Variants in ABCD3 observed in about 807,000 individuals in gnomAD.
ABCD3 encodes the protein ATP binding cassette subfamily D member 3.
ABCD3 carries 41 observed loss-of-function variants against 105.5 expected under a neutral mutation model. The observed-to-expected ratio is 0.39, with a 90% CI of 0.30 to 0.50. The LOEUF is 0.50. Among genes scored for constraint, ABCD3 ranks in the 20% least tolerant of loss-of-function variants. The probability of loss-of-function intolerance (pLI) is 0.84; values close to 1 mark genes in which losing one functional copy is unlikely to be tolerated. For missense variants in ABCD3, 622 were observed against 806.3 expected (o/e 0.77, Z 2.77); for synonymous variants, 258 against 269.0 (o/e 0.96, Z 0.40).
At chr1:94,416,585 C>A (rs1408566840), upstream of ABCD3, among the ~76,000 whole-genome samples, 1 of 152,192 alleles carries the variant, frequency 6.6e-6, no homozygotes, top group Non-Finnish European at 1.5e-5. Flanking sequence ...AAGTTCTCTG[C>A]CCTACTCTGG....
intron 1 of ABCD3, among the ~76,000 whole-genome samples, chr1:94,441,814 G>A (rs1660144374): frequency 6.6e-6 from 1 of 152,032 alleles, no homozygotes; most frequent in Non-Finnish European, 1.5e-5. Flanking sequence ...AAAAGAAGAT[G>A]GATAAATAAG....
At chr1:94,469,594 T>TA (rs1186779723) in intron 4 of ABCD3, among the ~76,000 whole-genome samples, 1 of 149,860 alleles carries the variant, frequency 6.7e-6, no homozygotes, top group Non-Finnish European at 1.5e-5. Flanking sequence ...AGACACCAAC[T>TA]AATCTATCAA....
intron 21 of ABCD3, among the ~76,000 whole-genome samples, chr1:94,511,798 T>C (rs1650686076): frequency 6.6e-6 from 1 of 152,146 alleles, no homozygotes; most frequent in Non-Finnish European, 1.5e-5. Flanking sequence ...TCCTGAGGCT[T>C]CTGCATTCTT....
At chr1:94,452,938 ATGTTGGCCAGGCTGTTC>A (rs1414115751) in intron 1 of ABCD3, among the ~76,000 whole-genome samples, 8 of 152,156 alleles carry the variant, frequency 5.3e-5, no homozygotes, top group East Asian at 3.9e-4. Flanking sequence ...GGGTTTCACC[ATGTTGGCCAGGCTGTTC>A]TTGAACTCCT....
At chr1:94,483,030 G>C in intron 9 of ABCD3, 140 bp from the exon 10 acceptor site, 1 of 671,552 alleles carries the variant, frequency 1.5e-6, no homozygotes, top group African/African-American at 1.8e-5. Flanking sequence ...TATAGACTGT[G>C]GCTTGAGATG....
chr1:94,455,399 C>T (rs556253976), intron 1 of ABCD3, among the ~76,000 whole-genome samples: 2 of 151,162 alleles, frequency 1.3e-5, no homozygotes, highest in South Asian at 2.1e-4. Flanking sequence ...GATCTTGGCT[C>T]ACCACAACCT....
chr1:94,517,238 A>AC lies in ABCD3; in HGVS notation c.*109_*110insC, dbSNP rs905660823. ...GAGCTTAGTTTTTTTTAAAAAAAAA[A>AC]ACAAAGCAACAAATTAACTAGATAC... On this transcript the variant is annotated 3_prime_UTR_variant, in exon 23 of 23. Transcript: ENST00000370214. 1.2e-6 allele frequency: 1 copy of AC among 823,604 alleles called. No individual in the cohort carries two copies. Among genetic ancestry groups the AC allele is most frequent in the African/African-American group, 1.7e-5 (1 of 57,850 alleles). The allele number at this position is 823,604 out of a possible 1,614,324, so 51.0% of individuals were successfully genotyped here.
intron 21 of ABCD3, among the ~76,000 whole-genome samples, chr1:94,511,633 C>G (rs1650678087): frequency 6.6e-6 from 1 of 152,156 alleles, no homozygotes; most frequent in South Asian, 2.1e-4. Context: ...GTACACCAAT[C>G]AGATGTAGAT....
At chr1:94,513,083 G>T (rs1650761902) in intron 21 of ABCD3, among the ~76,000 whole-genome samples, 1 of 151,998 alleles carries the variant, frequency 6.6e-6, no homozygotes, top group African/African-American at 2.4e-5. Context: ...AGAAGCACTG[G>T]CGTGATGATG....
chr1:94,428,153 A>G (rs1413447831), intron 1 of ABCD3, among the ~76,000 whole-genome samples: 2 of 151,584 alleles, frequency 1.3e-5, no homozygotes, highest in Non-Finnish European at 2.9e-5. Flanking sequence ...CTTTCTTATC[A>G]GTTTGCTAGA....
intron 7 of ABCD3, among the ~76,000 whole-genome samples, chr1:94,477,522 A>C (rs1648818810): frequency 6.6e-6 from 1 of 152,036 alleles, no homozygotes; most frequent in African/African-American, 2.4e-5. Context: ...GCTACTCCAG[A>C]GGCTGCAGTG....
rs187227603 is a variant in ABCD3 at position 94,491,623 on chromosome 1, C to G, written c.1386+376C>G. Among the ~76,000 whole-genome samples the G allele has an allele frequency of 2.6e-3, 393 of 152,064 alleles. 3 individuals are homozygous for G. Among genetic ancestry groups the G allele is most frequent in the African/African-American group, 9.2e-3 (380 of 41,510 alleles). Reference sequence around the variant, plus strand: ...TTGTGACTGTACAGGATGATTTGTACCTATAAAAACAAAATACAGACTGTT... The same window carrying G: ...TTGTGACTGTACAGGATGATTTGTAGCTATAAAAACAAAATACAGACTGTT... On this transcript the variant is annotated intron_variant, in intron 16 of 22. Coordinates refer to ENST00000370214, the MANE Select transcript of ABCD3 (RefSeq NM_002858.4).
chr1:94,491,319 A>G (rs944217435), intron 16 of ABCD3, 72 bp downstream of exon 16: 21 of 1,179,764 alleles, frequency 1.8e-5, no homozygotes, highest in Non-Finnish European at 2.6e-5. Context: ...TTACCTGAAT[A>G]TTTAAAGTAA....
At chr1:94,496,398 T>C (rs772844028) in intron 16 of ABCD3, among the ~76,000 whole-genome samples, 4 of 152,174 alleles carry the variant, frequency 2.6e-5, no homozygotes, top group Non-Finnish European at 5.9e-5. Context: ...GGTTCATCTG[T>C]ATTGTAGCAT....
At chr1:94,516,941 A>T in intron 22 of ABCD3, 111 bp from the exon 23 acceptor site, 1 of 807,182 alleles carries the variant, frequency 1.2e-6, no homozygotes, top group Non-Finnish European at 2.2e-6. Context: ...TGGGATGCTT[A>T]TAGATTTAGC....
At chr1:94,410,313 T>C in the ABCD3 span, among the ~76,000 whole-genome samples, 1 of 152,196 alleles carries the variant, frequency 6.6e-6, no homozygotes, top group Admixed American at 6.5e-5. Flanking sequence ...ATTATTATGG[T>C]ATGTAGATTA....
intron 1 of ABCD3, among the ~76,000 whole-genome samples, chr1:94,450,729 G>C (rs909420452): frequency 1.3e-5 from 2 of 152,180 alleles, no homozygotes; most frequent in Non-Finnish European, 2.9e-5. Flanking sequence ...CTGTGTGTGT[G>C]TGTCTTTAAT....
At position 94,487,568 on chromosome 1, in the gene ABCD3, G is replaced by T; in HGVS notation, c.924G>T (p.Leu308Phe). The change falls in exon 11 of 23, where the codon TTG becomes TTT. Residue 308 changes from leucine to phenylalanine, a missense_variant. Transcript: ENST00000370214. ...KLVEHLHNFI[L>F]FRFSMGFIDS... ...TGGAACACCTACATAATTTCATTTT[G>T]TTTCGGTTTTCAATGGGCTTCATTG... The T allele has an allele frequency of 6.2e-7, 1 of 1,613,732 alleles. No individual in the cohort carries two copies.
chr1:94,472,580 G>T (rs762937422), intron 4 of ABCD3, among the ~76,000 whole-genome samples: 7 of 152,076 alleles, frequency 4.6e-5, no homozygotes, highest in Non-Finnish European at 1.0e-4. Flanking sequence ...TATGATAGAG[G>T]AAATGTTTCA....
Sources: gnomAD v4.1 joint callset for allele counts (sites outside exome capture counted in the v4.1 genomes callset) on GRCh38, gnomAD v4.1.1 for gene constraint, MANE v1.5 for transcripts, NCBI Gene and HGNC (gene_info 2026-07-23, HGNC 2026-07-21) for gene names.